Variants in PTCRA observed in about 807,000 individuals in gnomAD.
PTCRA encodes pre T-cell antigen receptor alpha.
Under a neutral mutation model 13.4 loss-of-function variants are expected in PTCRA, and 9 were observed. The ratio of observed to expected loss-of-function variants is 0.67; its 90% CI spans 0.41 to 1.18. The LOEUF is 1.18. Among genes scored for constraint, PTCRA ranks in the 50% most tolerant of loss-of-function variants. The pLI is 0.01. For synonymous variants in PTCRA, 153 were observed against 161.9 expected (o/e 0.94, Z 0.42); for missense variants, 353 against 359.8 (o/e 0.98, Z 0.15).
At position 42,925,042 on chromosome 6, in the gene PTCRA, C is replaced by T. The variant is rs1187271752; in HGVS notation, c.425-219C>T. Among the ~76,000 whole-genome samples the T allele has an allele frequency of 6.6e-6, 1 of 152,076 alleles. No homozygotes were observed. The highest frequency in any genetic ancestry group is 1.5e-5 in the Non-Finnish European group (1 of 68,020). On this transcript the variant is annotated intron_variant, in intron 3 of 3. Transcript: ENST00000304672. The surrounding 1 kb of genome is among the most constrained non-coding windows in gnomAD (Gnocchi z 4.4). ...CTAATTAATTCCTGCGTGGCCCCCA[C>T]CCCTACCCCCATGATTGTTGGGGAA... is the stretch of plus-strand genomic sequence containing the variant.
At chr6:42,921,189 C>T (rs1016684791) in intron 1 of PTCRA, among the ~76,000 whole-genome samples, 7 of 151,794 alleles carry the variant, frequency 4.6e-5, no homozygotes, top group African/African-American at 1.7e-4. Flanking sequence ...GCAACCTCCG[C>T]CTCTGGGTTT....
At chr6:42,919,076 G>A (rs979959260) in intron 1 of PTCRA, among the ~76,000 whole-genome samples, 2 of 143,556 alleles carry the variant, frequency 1.4e-5, no homozygotes, top group Admixed American at 7.2e-5. Flanking sequence ...ACAGAGTCCC[G>A]CTCTGTCGCC....
chr6:42,921,201 A>G (rs1767140103), intron 1 of PTCRA, among the ~76,000 whole-genome samples: 1 of 151,594 alleles, frequency 6.6e-6, no homozygotes. Context: ...TCTGGGTTTA[A>G]GCGATTCTCC....
At chr6:42,924,192 A>C (rs758809103) in intron 2 of PTCRA, 37 bp from the exon 3 acceptor site, 1 of 1,581,600 alleles carries the variant, frequency 6.3e-7, no homozygotes, top group South Asian at 1.1e-5. Context: ...TGCATGGCCC[A>C]TCCCCAAAGA....
At chr6:42,924,124 G>A in intron 2 of PTCRA, 105 bp from the exon 3 acceptor site, 1 of 967,570 alleles carries the variant, frequency 1.0e-6, no homozygotes, top group Non-Finnish European at 1.5e-6. Flanking sequence ...TACCCCAAAT[G>A]CCTCGACACC....
intron 1 of PTCRA, among the ~76,000 whole-genome samples, chr6:42,917,380 G>A (rs1485835212): frequency 1.8e-4 from 26 of 148,008 alleles, no homozygotes; most frequent in African/African-American, 5.6e-4. Context: ...CTGCCACCAC[G>A]CCCAGCTAAT....
At chr6:42,921,055 C>G (rs1767134203) in intron 1 of PTCRA, among the ~76,000 whole-genome samples, 1 of 150,350 alleles carries the variant, frequency 6.7e-6, no homozygotes, top group African/African-American at 2.5e-5. Context: ...CCTTGGCCCC[C>G]CAAAGTGCTG....
At chr6:42,916,181 TC>T in intron 1 of PTCRA, 54 bp downstream of exon 1, 2 of 1,541,822 alleles carry the variant, frequency 1.3e-6, no homozygotes, top group Non-Finnish European at 1.8e-6. Context: ...CCGAAGCCCA[TC>T]CCCTCACTCT....
chr6:42,924,192 A>G (rs758809103), intron 2 of PTCRA, 37 bp from the exon 3 acceptor site: 81 of 1,581,482 alleles, frequency 5.1e-5, no homozygotes, highest in Non-Finnish European at 6.5e-5. Flanking sequence ...TGCATGGCCC[A>G]TCCCCAAAGA....
intron 1 of PTCRA, among the ~76,000 whole-genome samples, chr6:42,917,262 G>A (rs936610065): frequency 5.4e-5 from 8 of 147,846 alleles, no homozygotes; most frequent in South Asian, 4.2e-4. Flanking sequence ...TCGCACTGTC[G>A]CCCGGGCTGG....
intron 2 of PTCRA, 42 bp downstream of exon 2, chr6:42,923,389 C>T (rs1274437794): frequency 5.1e-6 from 8 of 1,569,180 alleles, no homozygotes; most frequent in Non-Finnish European, 7.0e-6. Context: ...TCCCTGTCCC[C>T]TTCCACACAC....
chr6:42,922,225 T>C (rs748956235), intron 1 of PTCRA: 1 of 702,828 alleles, frequency 1.4e-6, no homozygotes, highest in South Asian at 1.5e-5. Flanking sequence ...CAGGTCCTGT[T>C]TCCTTCCCTT....
At chr6:42,920,183 G>A (rs1484652609) in intron 1 of PTCRA, among the ~76,000 whole-genome samples, 4 of 151,764 alleles carry the variant, frequency 2.6e-5, no homozygotes, top group African/African-American at 9.6e-5. Flanking sequence ...AGCCAGGCGT[G>A]TTGGCGGGCG....
At chr6:42,924,695 G>A (rs970596349) in intron 3 of PTCRA, among the ~76,000 whole-genome samples, 4 of 152,124 alleles carry the variant, frequency 2.6e-5, no homozygotes, top group East Asian at 1.9e-4. Context: ...TTTTGAGGCC[G>A]GGTGCGGTGG....
chr6:42,921,761 T>A (rs1421596375), intron 1 of PTCRA, among the ~76,000 whole-genome samples: 1 of 138,200 alleles, frequency 7.2e-6, no homozygotes, highest in African/African-American at 2.7e-5. Context: ...AGGCTGGGTG[T>A]GGTGCCTCAC....
chr6:42,923,119 G>A lies in PTCRA; in HGVS notation c.151G>A (p.Asp51Asn), dbSNP rs772052468. 1.2e-6 allele frequency: 2 copies of A among 1,614,220 alleles called. No individual in the cohort carries two copies. Among genetic ancestry groups the A allele is most frequent in the Non-Finnish European group, 8.5e-7 (1 of 1,180,034 alleles). The change falls in exon 2 of 4, where the codon GAT becomes AAT. Residue 51 changes from aspartate to asparagine, a missense_variant. Transcript: ENST00000304672. ...GATGGTGGTGGTCTGCCTGGTCCTT[G>A]ATGTTGCACCCCCTGGCCTTGACAG... ...QQMVVVCLVL[D>N]VAPPGLDSPI...
intron 3 of PTCRA, among the ~76,000 whole-genome samples, chr6:42,924,670 C>T (rs1352574187): frequency 3.3e-5 from 5 of 152,032 alleles, no homozygotes; most frequent in African/African-American, 9.7e-5. Context: ...CTCTGCTTCC[C>T]GACCAAATAG....
At chr6:42,919,286 G>A (rs1049376854) in intron 1 of PTCRA, among the ~76,000 whole-genome samples, 6 of 152,056 alleles carry the variant, frequency 3.9e-5, no homozygotes, top group African/African-American at 1.4e-4. Flanking sequence ...GAGCCACCAC[G>A]CCTGGCCTAG....
At chr6:42,918,191 G>C (rs537166025) in intron 1 of PTCRA, among the ~76,000 whole-genome samples, 12 of 150,356 alleles carry the variant, frequency 8.0e-5, no homozygotes, top group African/African-American at 2.9e-4. Flanking sequence ...GGGAGGAGGA[G>C]GTTGCACTGA....
Sources: allele counts gnomAD v4.1 joint callset (sites outside exome capture counted in the v4.1 genomes callset), GRCh38; gene constraint gnomAD v4.1.1; non-coding constraint Gnocchi (gnomAD v3.1); transcripts MANE v1.5; gene names NCBI Gene and HGNC (gene_info 2026-07-23, HGNC 2026-07-21).